Variants in SMC5 observed in about 807,000 individuals in gnomAD.
SMC5 encodes the protein structural maintenance of chromosomes 5.
A neutral mutation model predicts 148.3 loss-of-function variants in SMC5; 88 were observed. The ratio of observed to expected loss-of-function variants is 0.59; its 90% CI spans 0.50 to 0.71. SMC5 has a LOEUF of 0.71. Among genes scored for constraint, SMC5 ranks in the 30% least tolerant of loss-of-function variants. SMC5 has a pLI of 0.00. For synonymous variants in SMC5, 421 were observed against 432.8 expected (o/e 0.97, Z 0.34); for missense variants, 1,142 against 1,298.9 (o/e 0.88, Z 1.86).
chr9:70,349,381 T>C (rs2036750196), intron 22 of SMC5, among the ~76,000 whole-genome samples: 1 of 152,170 alleles, frequency 6.6e-6, no homozygotes, highest in African/African-American at 2.4e-5. Context: ...TAGTAAGTTA[T>C]GTATCTCATT....
At chr9:70,297,852 GT>G in intron 8 of SMC5, 113 bp from the exon 9 acceptor site, 1 of 1,218,810 alleles carries the variant, frequency 8.2e-7, no homozygotes, top group South Asian at 1.5e-5. Context: ...ACACCTTTTA[GT>G]GAGGAAAACA....
Position 70,259,182 on chromosome 9 carries a change from C to T in SMC5, c.104C>T (p.Ser35Leu), listed in dbSNP as rs1187986237. The T allele has an allele frequency of 1.2e-6, 2 of 1,609,818 alleles. No individual in the cohort carries two copies. The highest frequency in any genetic ancestry group is 1.3e-5 in the African/African-American group (1 of 74,878). The change falls in exon 1 of 25, where the codon TCG (serine) becomes TTG (leucine). Residue 35 changes from serine (S) to leucine (L), a missense_variant. Physicochemically the swap from Ser to Leu is moderately radical, Grantham distance 145. Coordinates refer to ENST00000361138, the MANE Select transcript of SMC5 (RefSeq NM_015110.4). The stretch of plus-strand genomic sequence containing the variant: ...GAGGTCCCGAGCAAGAGGAAGAATT[C>T]GGCCCCGCAGCTGCCGCTGTTGCAG... ...SSEVPSKRKN[S>L]APQLPLLQSS...
At chr9:70,344,846 G>T (rs1229065338) in intron 18 of SMC5, among the ~76,000 whole-genome samples, 3 of 151,918 alleles carry the variant, frequency 2.0e-5, no homozygotes, top group Non-Finnish European at 4.4e-5. Flanking sequence ...ATGTCAAAAT[G>T]AAATTAGAAA....
At chr9:70,278,157 T>G (rs1360886544) in intron 4 of SMC5, among the ~76,000 whole-genome samples, 3 of 152,118 alleles carry the variant, frequency 2.0e-5, no homozygotes, top group Admixed American at 6.5e-5. Context: ...TTTTCCTTTT[T>G]AAACCCTCTA....
intron 18 of SMC5, among the ~76,000 whole-genome samples, chr9:70,344,885 T>G (rs2036626176): frequency 6.6e-6 from 1 of 152,140 alleles, no homozygotes; most frequent in Non-Finnish European, 1.5e-5. Flanking sequence ...AGTATTGGTG[T>G]GTCTTTAAAA....
chr9:70,312,989 T>C (rs2035699483), intron 11 of SMC5, among the ~76,000 whole-genome samples: 1 of 152,226 alleles, frequency 6.6e-6, no homozygotes, highest in Admixed American at 6.5e-5. Context: ...TTAACTGTTT[T>C]ATCAAATTTA....
chr9:70,265,025 G>A (rs1414597556), intron 2 of SMC5, among the ~76,000 whole-genome samples: 4 of 152,144 alleles, frequency 2.6e-5, no homozygotes, highest in Non-Finnish European at 5.9e-5. Context: ...TAAAAATACA[G>A]TGTAAAAGAT....
Position 70,268,291 on chromosome 9 carries a change from G to A in SMC5, c.380+316G>A, listed in dbSNP as rs868606932. On this transcript the variant is annotated intron_variant, in intron 3 of 24. Coordinates refer to ENST00000361138, the MANE Select transcript of SMC5 (RefSeq NM_015110.4). ...GGAAGCCCCGTCTCTACTAAAAATA[G>A]AAAAATTATCCAGGCATGGTGGCAC... Among the ~76,000 whole-genome samples, 129 of 152,104 alleles carry A rather than the reference G, an allele frequency of 8.5e-4. 1 individual carries two copies. The Middle Eastern group carries it at 0.017, about 20-fold the overall frequency.
intron 11 of SMC5, chr9:70,312,033 A>G (rs2035670365): frequency 6.7e-6 from 1 of 149,224 alleles, no homozygotes; most frequent in Non-Finnish European, 1.5e-5. Flanking sequence ...TGAGACGAGA[A>G]TCTCTTGAAC....
chr9:70,345,198 CAT>C (rs1289251926), intron 18 of SMC5, among the ~76,000 whole-genome samples: 1 of 151,496 alleles, frequency 6.6e-6, no homozygotes, highest in African/African-American at 2.4e-5. Context: ...TCAGAAAAAG[CAT>C]GATTCTATTC....
At chr9:70,334,877 C>G (rs11142373) in intron 17 of SMC5, among the ~76,000 whole-genome samples, 2 of 151,692 alleles carry the variant, frequency 1.3e-5, no homozygotes, top group Non-Finnish European at 2.9e-5. Context: ...TCTTGGGTAG[C>G]AAAGAAAAAG....
intron 17 of SMC5, among the ~76,000 whole-genome samples, chr9:70,326,864 A>T (rs1191494119): frequency 6.6e-6 from 1 of 152,084 alleles, no homozygotes; most frequent in Non-Finnish European, 1.5e-5. Context: ...AGGGCAAAAA[A>T]AAATTGCAAA....
intron 12 of SMC5, among the ~76,000 whole-genome samples, chr9:70,315,147 T>TA (rs1382882016): frequency 6.6e-6 from 1 of 151,956 alleles, no homozygotes; most frequent in African/African-American, 2.4e-5. Flanking sequence ...GGACTAAATG[T>TA]AAAAAATGTT....
chr9:70,350,090 C>T (rs781085059), intron 22 of SMC5, 24 bp from the exon 23 acceptor site: 3 of 1,525,194 alleles, frequency 2.0e-6, no homozygotes, highest in South Asian at 1.2e-5. Context: ...ACTCATTTTT[C>T]ATCACTTTTT....
chr9:70,279,479 A>T (rs1220448313), intron 5 of SMC5, among the ~76,000 whole-genome samples: 2 of 152,000 alleles, frequency 1.3e-5, no homozygotes, highest in African/African-American at 2.4e-5. Context: ...TGATTGCACC[A>T]CTGCATTCCA....
Position 70,352,311 on chromosome 9 carries a change from A to G in SMC5, c.3286A>G (p.Thr1096Ala), listed in dbSNP as rs370748953. ...TTTCCAAAGGCGGCGGCGCCGTATTACATTCACTCAACCTTCTTAATAAAA... is the reference window on the plus strand; with the variant it reads ...TTTCCAAAGGCGGCGGCGCCGTATTGCATTCACTCAACCTTCTTAATAAAA... The part of the protein sequence containing the change: ...KAFQRRRRRI[T>A]FTQPS Residue 1096 changes from threonine (T) to alanine (A), a missense_variant, in exon 25 of 25, where the codon ACA becomes GCA. Thr to Ala is a moderately conservative substitution (Grantham distance 58, BLOSUM62 0). Coordinates refer to ENST00000361138, the MANE Select transcript of SMC5 (RefSeq NM_015110.4). 7 of 1,604,902 alleles carry G rather than the reference A, an allele frequency of 4.4e-6. No individual in the cohort carries two copies. The highest frequency in any genetic ancestry group is 5.9e-6 in the Non-Finnish European group (7 of 1,176,804).
intron 10 of SMC5, among the ~76,000 whole-genome samples, chr9:70,304,429 A>G (rs2035443989): frequency 6.6e-6 from 1 of 152,128 alleles, no homozygotes; most frequent in African/African-American, 2.4e-5. Context: ...ACTCATGCTT[A>G]TAATCCTAGC....
chr9:70,344,804 A>G (rs1363388114), intron 18 of SMC5: 2 of 152,028 alleles, frequency 1.3e-5, no homozygotes, highest in African/African-American at 4.8e-5. Context: ...ACAAGTGGGG[A>G]TGATACTTTG....
chr9:70,296,120 C>T (rs776877282), intron 8 of SMC5, among the ~76,000 whole-genome samples: 15 of 152,040 alleles, frequency 9.9e-5, no homozygotes, highest in Admixed American at 2.6e-4. Context: ...AATCAATACC[C>T]GCATTTCAAC....
Sources: gnomAD v4.1 joint callset for allele counts (sites outside exome capture counted in the v4.1 genomes callset) on GRCh38, gnomAD v4.1.1 for gene constraint, MANE v1.5 for transcripts, NCBI Gene and HGNC (gene_info 2026-07-23, HGNC 2026-07-21) for gene names.